The following CEP112 variants were observed in gnomAD, a reference collection of about 807,000 sequenced individuals.
The protein encoded by CEP112 is centrosomal protein 112, also known as centrosomal protein of 112 kDa.
Under a neutral mutation model 153.0 loss-of-function variants are expected in CEP112, and 127 were observed. The ratio of observed to expected loss-of-function variants is 0.83; its 90% confidence interval spans 0.72 to 0.96. CEP112 has a LOEUF of 0.96. CEP112 is among the 40% of genes least tolerant of loss of function. The pLI, the probability that CEP112 is intolerant of heterozygous loss-of-function variation, is 0.00. For synonymous variants in CEP112, 358 were observed against 374.4 expected, an observed-to-expected ratio of 0.96 and a Z score of 0.51; for missense variants, 1,089 against 1,101.2, an observed-to-expected ratio of 0.99 and a Z score of 0.16.
intron 23 of CEP112, among the ~76,000 whole-genome samples, chr17:65,730,448 G>A (rs1324811040): frequency 6.6e-6 from 1 of 152,158 alleles, no homozygotes; most frequent in Non-Finnish European, 1.5e-5. Context: ...TTCTTTCTGA[G>A]TGAGCAGGCA....
At chr17:65,704,592 A>T (rs2048823874) in intron 23 of CEP112, among the ~76,000 whole-genome samples, 1 of 152,048 alleles carries the variant, frequency 6.6e-6, no homozygotes, top group African/African-American at 2.4e-5. Context: ...GTATTTTCTT[A>T]ATTTTGTGTG....
chr17:65,826,250 G>A, intron 21 of CEP112: 1 of 1,614,008 alleles, frequency 6.2e-7, no homozygotes, highest in East Asian at 2.2e-5. Flanking sequence ...CAGTCTCAGG[G>A]CTTGGTTTTC....
intron 12 of CEP112, among the ~76,000 whole-genome samples, chr17:66,035,006 A>AT (rs1308701767): frequency 3.6e-5 from 3 of 83,716 alleles, no homozygotes; most frequent in Non-Finnish European, 2.3e-5. Context: ...ATATATATAT[A>AT]TATTTTTTTT....
At chr17:65,658,700 G>A (rs988954958) in intron 24 of CEP112, among the ~76,000 whole-genome samples, 25 of 152,200 alleles carry the variant, frequency 1.6e-4, no homozygotes, top group Middle Eastern at 3.4e-3. Context: ...CCTCGGGAAT[G>A]GAAGAGCTCT....
intron 24 of CEP112, among the ~76,000 whole-genome samples, chr17:65,643,819 C>T (rs1279435914): frequency 6.6e-6 from 1 of 152,206 alleles, no homozygotes; most frequent in Non-Finnish European, 1.5e-5. Context: ...TCATTGACTA[C>T]TGGGTTTGAA....
At chr17:65,685,817 C>T (rs1273545798) in intron 24 of CEP112, among the ~76,000 whole-genome samples, 2 of 151,830 alleles carry the variant, frequency 1.3e-5, no homozygotes, top group Non-Finnish European at 2.9e-5. Context: ...GGATTATAGG[C>T]GCCCGCCACC....
intron 24 of CEP112, among the ~76,000 whole-genome samples, chr17:65,686,570 T>C (rs2047805214): frequency 6.6e-6 from 1 of 152,222 alleles, no homozygotes; most frequent in Admixed American, 6.5e-5. Context: ...TGTCTCTTCT[T>C]CTTCTTTTAA....
chr17:66,059,279 A>G (rs1023698249), intron 11 of CEP112, among the ~76,000 whole-genome samples: 4 of 152,186 alleles, frequency 2.6e-5, no homozygotes, highest in Non-Finnish European at 5.9e-5. Flanking sequence ...AAGCAATTGC[A>G]ACAAAAATAA....
intron 8 of CEP112, among the ~76,000 whole-genome samples, chr17:66,074,843 C>T (rs1327468354): frequency 8.9e-6 from 1 of 112,400 alleles, no homozygotes; most frequent in Non-Finnish European, 1.7e-5. Flanking sequence ...AGCCTGGTGA[C>T]AGAGTGAGGC....
intron 17 of CEP112, among the ~76,000 whole-genome samples, chr17:66,004,351 C>A (rs61507412): frequency 6.6e-6 from 1 of 151,976 alleles, no homozygotes; most frequent in Non-Finnish European, 1.5e-5. Flanking sequence ...ATTAGCTGGG[C>A]GTGGTGGCGT....
At chr17:65,768,308 C>T (rs1409127736) in intron 21 of CEP112, among the ~76,000 whole-genome samples, 2 of 151,776 alleles carry the variant, frequency 1.3e-5, no homozygotes, top group Admixed American at 6.6e-5. Flanking sequence ...GGTCTTCATC[C>T]GTGACATCTT....
Position 66,017,041 on chromosome 17 carries a change from T to C in CEP112, c.1656+10460A>G, listed in dbSNP as rs1012013272. On this transcript the variant is annotated intron_variant, in intron 16 of 26. Coordinates refer to ENST00000535342, the MANE Select transcript of CEP112 (RefSeq NM_001199165.4). ...ACTTGATGTAAAGACCTTAGAACAA[T>C]ATTAGGAACATAATAAATGATCAGT... 7.9e-5 allele frequency among the ~76,000 whole-genome samples: 12 copies of C among 152,180 alleles called. 1 individual carries two copies. In the East Asian group the frequency reaches 1.3e-3, roughly 17 times the overall value.
At chr17:66,128,053 C>T (rs1004728524) in intron 6 of CEP112, among the ~76,000 whole-genome samples, 35 of 152,076 alleles carry the variant, frequency 2.3e-4, no homozygotes, top group Non-Finnish European at 2.8e-4. Context: ...GTAATCCCAG[C>T]ACTCTGGGAG....
At chr17:66,121,341 T>C (rs771519598) in intron 6 of CEP112, among the ~76,000 whole-genome samples, 1 of 152,210 alleles carries the variant, frequency 6.6e-6, no homozygotes, top group Non-Finnish European at 1.5e-5. Flanking sequence ...AGTGTGACTC[T>C]TTGTATTTAA....
intron 21 of CEP112, among the ~76,000 whole-genome samples, chr17:65,843,701 T>C (rs2057610507): frequency 6.6e-6 from 1 of 152,144 alleles, no homozygotes; most frequent in Non-Finnish European, 1.5e-5. Flanking sequence ...GTATAATCCT[T>C]CAGACACCAC....
intron 12 of CEP112, among the ~76,000 whole-genome samples, chr17:66,043,921 A>G (rs1043675662): frequency 6.6e-6 from 1 of 152,188 alleles, no homozygotes; most frequent in African/African-American, 2.4e-5. Flanking sequence ...TTTCATCTTA[A>G]GCCAGGCCTT....
chr17:65,779,931 C>T (rs1212713931), intron 21 of CEP112, among the ~76,000 whole-genome samples: 1 of 152,020 alleles, frequency 6.6e-6, no homozygotes, highest in African/African-American at 2.4e-5. Context: ...CTGAGTTTCT[C>T]ATTAAATACT....
intron 22 of CEP112, among the ~76,000 whole-genome samples, chr17:65,747,562 C>T (rs879875143): frequency 2.6e-5 from 4 of 152,214 alleles, no homozygotes; most frequent in Non-Finnish European, 4.4e-5. Flanking sequence ...AAGGTTAATA[C>T]ATAATCACTT....
At chr17:65,653,414 T>C (rs1183929239) in intron 24 of CEP112, among the ~76,000 whole-genome samples, 1 of 152,130 alleles carries the variant, frequency 6.6e-6, no homozygotes, top group Non-Finnish European at 1.5e-5. Context: ...CTTAGCAGAA[T>C]GTGTTAAGTA....
Sources: gnomAD v4.1 joint callset for allele counts (sites outside exome capture counted in the v4.1 genomes callset) on GRCh38, gnomAD v4.1.1 for gene constraint, MANE v1.5 for transcripts, NCBI Gene and HGNC (gene_info 2026-07-23, HGNC 2026-07-21) for gene names.